Variants in SULF2 observed in about 807,000 individuals in gnomAD.
SULF2 encodes sulfatase 2, also known as extracellular sulfatase Sulf-2.
In SULF2, 52 loss-of-function variants were observed where a neutral mutation model predicts 107.7. That is an observed-to-expected ratio of 0.48 (90% confidence interval 0.39 to 0.61). SULF2 has a LOEUF of 0.61. Among genes scored for constraint, SULF2 ranks in the 20% least tolerant of loss-of-function variants. The pLI, the probability that SULF2 is intolerant of heterozygous loss-of-function variation, is 0.00. For missense variants in SULF2, 993 were observed against 1,177.3 expected, an observed-to-expected ratio of 0.84 and a Z score of 2.29; for synonymous variants, 460 against 464.3, an observed-to-expected ratio of 0.99 and a Z score of 0.12.
chr20:47,684,550 C>A lies in SULF2; in HGVS notation c.769G>T (p.Asp257Tyr). 1 of 1,613,986 alleles carries A rather than the reference C, an allele frequency of 6.2e-7. No homozygotes were observed. The highest frequency in any genetic ancestry group is 8.5e-7 in the Non-Finnish European group (1 of 1,179,944). ...GTGTAGCGCATGATCCAGTGTTTGTCCGGGTTGGGCGCGTAGTTGTAGCTC... is the reference window on the plus strand; with the variant it reads ...GTGTAGCGCATGATCCAGTGTTTGTACGGGTTGGGCGCGTAGTTGTAGCTC... Reference protein sequence around the residue: ...TPSYNYAPNPDKHWIMRYTGP... With the variant: ...TPSYNYAPNPYKHWIMRYTGP... The change falls in exon 6 of 21, where the codon GAC becomes TAC. Residue 257 changes from aspartate (D) to tyrosine (Y), a missense_variant. Asp to Tyr is a radical substitution (Grantham distance 160). Coordinates refer to ENST00000688720, the MANE Select transcript of SULF2 (RefSeq NM_001387048.1).
At chr20:47,687,671 G>A in intron 5 of SULF2, among the ~76,000 whole-genome samples, 1 of 139,166 alleles carries the variant, frequency 7.2e-6, no homozygotes, top group East Asian at 2.2e-4. Flanking sequence ...ATGTCTTTGT[G>A]TGTGTCTGTA....
rs566345358 is a variant in SULF2, at chr20:47,694,298, G to A, written c.568-4003C>T. 6.6e-5 allele frequency among the ~76,000 whole-genome samples: 10 copies of A among 152,308 alleles called. No individual in the cohort carries two copies. The highest frequency in any genetic ancestry group is 2.0e-4 in the Admixed American group (3 of 15,302). Reference sequence around the variant, plus strand: ...CAGCCACTGGGTGGATGTGGGGTGCGGGAGGGGCGGGTGACCCCCACCCCT... The same window carrying A: ...CAGCCACTGGGTGGATGTGGGGTGCAGGAGGGGCGGGTGACCCCCACCCCT... On this transcript the variant is annotated intron_variant, in intron 4 of 20. Coordinates refer to ENST00000688720, the MANE Select transcript of SULF2 (RefSeq NM_001387048.1). The surrounding 1 kb of genome is among the most constrained non-coding windows in gnomAD (Gnocchi z 4.4).
intron 18 of SULF2, chr20:47,661,531 A>G: frequency 2.8e-6 from 1 of 356,896 alleles, no homozygotes; most frequent in Non-Finnish European, 5.3e-6. Context: ...GAGGACAATG[A>G]AATGAGACGG....
chr20:47,737,059 C>T (rs933277638), intron 2 of SULF2, 117 bp from the exon 3 acceptor site: 52 of 1,411,108 alleles, frequency 3.7e-5, no homozygotes, highest in East Asian at 1.7e-4. Flanking sequence ...TGCAGACCTA[C>T]GGGGCAGACG....
chr20:47,710,967 T>C (rs985491567), intron 3 of SULF2, among the ~76,000 whole-genome samples: 1 of 152,178 alleles, frequency 6.6e-6, no homozygotes, highest in African/African-American at 2.4e-5. Flanking sequence ...CTTGTAATAA[T>C]TGCATTTGTG....
Position 47,736,747 on chromosome 20 carries a change from C to T in SULF2, c.371G>A (p.Ser124Asn), listed in dbSNP as rs760745418. Residue 124 changes from serine (S) to asparagine (N), a missense_variant, in exon 3 of 21, where the codon AGC becomes AAC. Ser to Asn is a conservative substitution (Grantham distance 46, BLOSUM62 1). Transcript: ENST00000688720. ...SSPSWQAQHE[S>N]RTFAVYLNST... ...ATTGAGGTACACGGCAAAGGTGCGG[C>T]TCTCGTGCTGTGCCTGCCAGGAGGG... The T allele has an allele frequency of 7.4e-6, 12 of 1,614,252 alleles. No homozygotes were observed. In the South Asian group the frequency reaches 1.3e-4, roughly 18 times the overall value.
At chr20:47,746,310 CAG>C (rs1264907706) in intron 2 of SULF2, among the ~76,000 whole-genome samples, 1 of 152,240 alleles carries the variant, frequency 6.6e-6, no homozygotes, top group African/African-American at 2.4e-5. Flanking sequence ...CAGGTTGGAA[CAG>C]AGTCTTGACC....
chr20:47,742,838 G>A (rs1303810983), intron 2 of SULF2, among the ~76,000 whole-genome samples: 1 of 151,012 alleles, frequency 6.6e-6, no homozygotes, highest in Admixed American at 6.6e-5. Context: ...AATGCTGAAT[G>A]AATTTGCTCT....
chr20:47,731,138 C>T (rs919434705), intron 3 of SULF2, among the ~76,000 whole-genome samples: 2 of 149,164 alleles, frequency 1.3e-5, no homozygotes, highest in South Asian at 4.3e-4. Context: ...GATCATGATA[C>T]TCGTAAACCA....
Position 47,669,481 on chromosome 20 carries a change from C to T in SULF2, c.1576+2717G>A, listed in dbSNP as rs1181477543. Among the ~76,000 whole-genome samples, 7 of 152,228 alleles carry T rather than the reference C, an allele frequency of 4.6e-5. No homozygotes were observed. In the East Asian group the frequency reaches 9.6e-4, roughly 21 times the overall value. ...ACCCCTCCATCACACACAATTGTGA[C>T]AGCCAAAACTGTCTCCAAACATTGC... On this transcript the variant is annotated intron_variant, in intron 11 of 20. Coordinates refer to ENST00000688720, the MANE Select transcript of SULF2 (RefSeq NM_001387048.1).
intron 1 of SULF2, among the ~76,000 whole-genome samples, chr20:47,764,407 CCT>C (rs34149868): frequency 0.11 from 17,186 of 152,168 alleles, 1,171 homozygotes; most frequent in South Asian, 0.22. Flanking sequence ...GGTAACAGCC[CCT>C]GTTAGTGCTT....
rs945703611 is a variant in SULF2, at chr20:47,678,613, T to G, written c.1193+63A>C. 7 of 1,598,366 alleles carry G rather than the reference T, an allele frequency of 4.4e-6. No individual in the cohort carries two copies. In the African/African-American group the frequency reaches 8.0e-5, roughly 18 times the overall value. ...CCCACGTTCTAGACCCACAGGGTTT[T>G]GCTCTGAGTTCCCGCAGGTCAATGT... On this transcript the variant is annotated intron_variant, in intron 8 of 20. Coordinates refer to ENST00000688720, the MANE Select transcript of SULF2 (RefSeq NM_001387048.1). This position sits in a 1 kb window ranked among gnomAD's most constrained non-coding sequence, Gnocchi z 4.5.
intron 1 of SULF2, among the ~76,000 whole-genome samples, chr20:47,767,836 G>A (rs1236302612): frequency 1.3e-5 from 2 of 151,482 alleles, no homozygotes; most frequent in Non-Finnish European, 2.9e-5. Flanking sequence ...TACTCGGGAG[G>A]CCAAGGCAGG....
At chr20:47,786,472 A>G (rs1600711055), upstream of SULF2, 4 of 152,122 alleles carry the variant, frequency 2.6e-5, no homozygotes, top group African/African-American at 9.6e-5. Flanking sequence ...CCAGCCACAC[A>G]CATTTGCCAT....
At chr20:47,710,678 C>T (rs926894430) in intron 3 of SULF2, among the ~76,000 whole-genome samples, 26 of 152,270 alleles carry the variant, frequency 1.7e-4, no homozygotes, top group African/African-American at 5.3e-4. Flanking sequence ...CCAATGGGCC[C>T]GTCCCCTGTT....
At position 47,766,391 on chromosome 20, in the gene SULF2, G is replaced by A. The variant is rs529031617; in HGVS notation, c.-100-8928C>T. 7.2e-5 allele frequency among the ~76,000 whole-genome samples: 11 copies of A among 152,312 alleles called. No homozygotes were observed. The East Asian group carries it at 1.7e-3, about 24-fold the overall frequency. ...CCAAATGGAGGCAGAGAACCAAGCCGGCTCTCAAGAACAGGGCAGGAGACA... is the reference window on the plus strand; with the variant it reads ...CCAAATGGAGGCAGAGAACCAAGCCAGCTCTCAAGAACAGGGCAGGAGACA... On this transcript the variant is annotated intron_variant, in intron 1 of 20. Coordinates refer to ENST00000688720, the MANE Select transcript of SULF2 (RefSeq NM_001387048.1).
intron 1 of SULF2, among the ~76,000 whole-genome samples, chr20:47,777,110 A>G (rs1301178855): frequency 6.6e-6 from 1 of 152,240 alleles, no homozygotes; most frequent in African/African-American, 2.4e-5. Flanking sequence ...AAGACAAAGG[A>G]CAAATAAGCA....
chr20:47,723,668 G>A (rs1407650416), intron 3 of SULF2, among the ~76,000 whole-genome samples: 3 of 152,154 alleles, frequency 2.0e-5, no homozygotes, highest in Non-Finnish European at 2.9e-5. Context: ...TGCATGCGGG[G>A]GATCTAGGTT....
chr20:47,666,379 G>A lies in SULF2; in HGVS notation c.1686C>T (p.Leu562=). ...GGGCCCCTGGCCAGTGCCGCTTGGT[G>A]AGGTTTCGGGGCTGGGCGGCATCAC... ...GLGDAAQPRN[L]TKRHWPGAPE... Residue 562 remains leucine, a synonymous_variant, in exon 12 of 21, where the codon CTC becomes CTT. Transcript: ENST00000688720. The surrounding 1 kb of genome is among the most constrained non-coding windows in gnomAD (Gnocchi z 5.4). The A allele has an allele frequency of 6.2e-7, 1 of 1,614,096 alleles. No homozygotes were observed. Among genetic ancestry groups the A allele is most frequent in the South Asian group, 1.1e-5 (1 of 91,092 alleles).
Sources: gnomAD v4.1 joint callset for allele counts (sites outside exome capture counted in the v4.1 genomes callset) on GRCh38, gnomAD v4.1.1 for gene constraint, Gnocchi (gnomAD v3.1) non-coding constraint, MANE v1.5 for transcripts, NCBI Gene and HGNC (gene_info 2026-07-23, HGNC 2026-07-21) for gene names.